FRAS1: variants seen among roughly 807,000 people sequenced by gnomAD.
FRAS1 encodes extracellular matrix organizing protein FRAS1.
Under a neutral mutation model 435.2 loss-of-function variants are expected in FRAS1, and 290 were observed. The observed-to-expected ratio is 0.67, with a 90% CI of 0.61 to 0.73. The LOEUF is 0.73. Among genes scored for constraint, FRAS1 ranks in the 30% least tolerant of loss-of-function variants. The pLI is 0.00. For synonymous variants in FRAS1, 1,800 were observed against 1,851.0 expected (o/e 0.97, Z 0.71); for missense variants, 4,860 against 5,001.5 (o/e 0.97, Z 0.85).
Position 78,117,403 on chromosome 4 carries a change from C to G in FRAS1, c.108+51387C>G, listed in dbSNP as rs192606338. On this transcript the variant is annotated intron_variant, in intron 2 of 73. Transcript: ENST00000512123. ...TGCCTTGCTAGATTGGGTAAGTTCTCTTGGATAATATCCTGCAGAGTGTTT... is the reference window on the plus strand; with the variant it reads ...TGCCTTGCTAGATTGGGTAAGTTCTGTTGGATAATATCCTGCAGAGTGTTT... Among the ~76,000 whole-genome samples the G allele has an allele frequency of 1.8e-3, 268 of 152,294 alleles. 1 individual carries two copies. The highest frequency in any genetic ancestry group is 6.2e-3 in the African/African-American group (257 of 41,558).
intron 20 of FRAS1, among the ~76,000 whole-genome samples, chr4:78,343,036 A>G (rs1245294571): frequency 6.6e-6 from 1 of 152,334 alleles, no homozygotes; most frequent in African/African-American, 2.4e-5. Flanking sequence ...ACAGAACTCA[A>G]ATTCTAAACA....
At chr4:78,155,914 T>C (rs1014881257) in intron 2 of FRAS1, among the ~76,000 whole-genome samples, 28 of 152,220 alleles carry the variant, frequency 1.8e-4, no homozygotes, top group Admixed American at 1.6e-3. Context: ...TACATTTCTT[T>C]CCCAAAGCTG....
Position 78,155,745 on chromosome 4 carries a change from T to C in FRAS1, c.109-81765T>C, listed in dbSNP as rs1225227078. ...GGTATCTTTTACGTCTGAGCAAACATACCTGGCTTACTTTCCCCAACTTCC... is the reference window on the plus strand; with the variant it reads ...GGTATCTTTTACGTCTGAGCAAACACACCTGGCTTACTTTCCCCAACTTCC... On this transcript the variant is annotated intron_variant, in intron 2 of 73. Transcript: ENST00000512123. Among the ~76,000 whole-genome samples the C allele has an allele frequency of 3.9e-5, 6 of 152,318 alleles. No individual in the cohort carries two copies. In the South Asian group the frequency reaches 1.0e-3, roughly 26 times the overall value.
chr4:78,237,358 T>C (rs1164133487), intron 2 of FRAS1, among the ~76,000 whole-genome samples, 152 bp from the exon 3 acceptor site: 2 of 152,208 alleles, frequency 1.3e-5, no homozygotes, highest in African/African-American at 4.8e-5. Flanking sequence ...TTGTGGGGTT[T>C]AATCAGTGCC....
At chr4:78,419,405 A>G (rs149211387) in intron 33 of FRAS1, among the ~76,000 whole-genome samples, 2 of 152,206 alleles carry the variant, frequency 1.3e-5, no homozygotes, top group African/African-American at 4.8e-5. Context: ...AGCCTGCCCT[A>G]GTAAGGTTAT....
At chr4:78,265,328 A>C (rs1386189284) in intron 7 of FRAS1, among the ~76,000 whole-genome samples, 1 of 152,228 alleles carries the variant, frequency 6.6e-6, no homozygotes, top group Non-Finnish European at 1.5e-5. Context: ...TGGCAAGCAG[A>C]ACCTAGTTTA....
At chr4:78,540,509 T>A (rs1362277578) in intron 73 of FRAS1, 22 bp from the exon 74 acceptor site, 3 of 1,455,336 alleles carry the variant, frequency 2.1e-6, no homozygotes, top group South Asian at 3.1e-5. Context: ...AACAACAACA[T>A]GTTCGGTTTG....
intron 38 of FRAS1, among the ~76,000 whole-genome samples, chr4:78,436,450 A>G (rs1734432152): frequency 6.6e-6 from 1 of 152,252 alleles, no homozygotes; most frequent in Non-Finnish European, 1.5e-5. Context: ...TACCCTAACC[A>G]TTCTAATCCT....
chr4:78,151,625 A>G (rs1720665845), intron 2 of FRAS1, among the ~76,000 whole-genome samples: 1 of 152,210 alleles, frequency 6.6e-6, no homozygotes, highest in Non-Finnish European at 1.5e-5. Context: ...CCCTGAGTAT[A>G]AGATAGTAAC....
chr4:78,192,597 T>A (rs887636992), intron 2 of FRAS1, among the ~76,000 whole-genome samples: 12 of 152,202 alleles, frequency 7.9e-5, no homozygotes, highest in African/African-American at 2.9e-4. Context: ...TAGTTTGTAT[T>A]TCTGTGGGAT....
chr4:78,168,370 A>C (rs1721417352), intron 2 of FRAS1, among the ~76,000 whole-genome samples: 1 of 152,046 alleles, frequency 6.6e-6, no homozygotes, highest in African/African-American at 2.4e-5. Flanking sequence ...ACCAAAGAGG[A>C]CAAAAGATGT....
At chr4:78,105,832 G>T (rs1394160599) in intron 2 of FRAS1, among the ~76,000 whole-genome samples, 1 of 149,282 alleles carries the variant, frequency 6.7e-6, no homozygotes, top group Admixed American at 6.7e-5. Context: ...TTCCATCTGA[G>T]GTACCGGGTT....
chr4:78,514,418 C>T (rs146359940), intron 65 of FRAS1, among the ~76,000 whole-genome samples: 228 of 152,370 alleles, frequency 1.5e-3, no homozygotes, highest in Middle Eastern at 6.8e-3. Flanking sequence ...AATGATGAAA[C>T]ACTTAACAGT....
intron 20 of FRAS1, among the ~76,000 whole-genome samples, chr4:78,355,732 C>T (rs535445190): frequency 1.3e-5 from 2 of 152,302 alleles, no homozygotes; most frequent in Admixed American, 1.3e-4. Flanking sequence ...GTATACACTT[C>T]CTCTACTGTG....
At chr4:78,519,715 G>A (rs1468514631) in intron 67 of FRAS1, among the ~76,000 whole-genome samples, 1 of 152,220 alleles carries the variant, frequency 6.6e-6, no homozygotes, top group African/African-American at 2.4e-5. Flanking sequence ...AGGATGGCAA[G>A]TGACAAATGA....
intron 2 of FRAS1, among the ~76,000 whole-genome samples, chr4:78,233,999 C>T (rs529117939): frequency 6.6e-6 from 1 of 152,298 alleles, no homozygotes; most frequent in East Asian, 1.9e-4. Flanking sequence ...GGAAAAGCCA[C>T]CCTCCCTCTA....
chr4:78,425,296 G>A (rs1453346071), intron 35 of FRAS1, among the ~76,000 whole-genome samples: 2 of 152,128 alleles, frequency 1.3e-5, no homozygotes, highest in Non-Finnish European at 2.9e-5. Context: ...ACTTGGGTGT[G>A]GAAGACCTCT....
chr4:78,212,696 A>G (rs1296666069), intron 2 of FRAS1, among the ~76,000 whole-genome samples: 1 of 152,232 alleles, frequency 6.6e-6, no homozygotes, highest in Non-Finnish European at 1.5e-5. Context: ...TCCAACACTG[A>G]GCTTAGCACC....
chr4:78,149,460 A>T (rs1720554119), intron 2 of FRAS1, among the ~76,000 whole-genome samples: 1 of 152,324 alleles, frequency 6.6e-6, no homozygotes, highest in Non-Finnish European at 1.5e-5. Context: ...CACCAGTCTC[A>T]TTCTTCACAG....
Sources: gnomAD v4.1 joint callset for allele counts (sites outside exome capture counted in the v4.1 genomes callset) on GRCh38, gnomAD v4.1.1 for gene constraint, MANE v1.5 for transcripts, NCBI Gene and HGNC (gene_info 2026-07-23, HGNC 2026-07-21) for gene names.